The following CNTNAP2 variants were observed in gnomAD, a reference collection of about 807,000 sequenced individuals.
The protein encoded by CNTNAP2 is contactin-associated protein-like 2.
A neutral mutation model predicts 155.2 loss-of-function variants in CNTNAP2; 98 were observed. The ratio of observed to expected loss-of-function variants is 0.63; its 90% confidence interval spans 0.54 to 0.75. The LOEUF is 0.75. Ranked by LOEUF, CNTNAP2 falls within the 30% of genes least tolerant of loss-of-function variation. The probability of loss-of-function intolerance (pLI) is 0.00; values close to 1 mark genes in which losing one functional copy is unlikely to be tolerated. For synonymous variants in CNTNAP2, 651 were observed against 631.2 expected (o/e 1.03, Z -0.47); for missense variants, 1,727 against 1,688.1 (o/e 1.02, Z -0.40).
intron 8 of CNTNAP2, among the ~76,000 whole-genome samples, chr7:147,237,902 T>C (rs1803847081): frequency 6.6e-6 from 1 of 152,220 alleles, no homozygotes; most frequent in African/African-American, 2.4e-5. Context: ...ACTTTAAAAA[T>C]TAATAAAAAG....
At chr7:146,537,863 T>C (rs1325406715) in intron 1 of CNTNAP2, among the ~76,000 whole-genome samples, 1 of 151,922 alleles carries the variant, frequency 6.6e-6, no homozygotes, top group Admixed American at 6.6e-5. Flanking sequence ...AGAGCAGGCA[T>C]AGAGGTAGGT....
At chr7:147,235,910 C>T (rs1343087473) in intron 8 of CNTNAP2, among the ~76,000 whole-genome samples, 1 of 152,160 alleles carries the variant, frequency 6.6e-6, no homozygotes, top group Non-Finnish European at 1.5e-5. Flanking sequence ...ACTTAATTTG[C>T]TACTTTTAAA....
At chr7:146,867,077 G>T (rs889364586) in intron 3 of CNTNAP2, among the ~76,000 whole-genome samples, 1 of 151,966 alleles carries the variant, frequency 6.6e-6, no homozygotes, top group Admixed American at 6.6e-5. Context: ...AGGTAAACAC[G>T]TGTCACAGGG....
At chr7:146,479,226 T>G (rs1047694997) in intron 1 of CNTNAP2, among the ~76,000 whole-genome samples, 1 of 152,182 alleles carries the variant, frequency 6.6e-6, no homozygotes, top group Non-Finnish European at 1.5e-5. Flanking sequence ...ACACTTCCCT[T>G]TGAACGATGT....
At chr7:147,251,229 G>A (rs530809188) in intron 8 of CNTNAP2, among the ~76,000 whole-genome samples, 1 of 152,206 alleles carries the variant, frequency 6.6e-6, no homozygotes, top group South Asian at 2.1e-4. Context: ...TCTGTCCCTT[G>A]TGATAAGTAC....
At chr7:146,525,330 C>CACATTT (rs1434135372) in intron 1 of CNTNAP2, among the ~76,000 whole-genome samples, 1 of 152,040 alleles carries the variant, frequency 6.6e-6, no homozygotes, top group African/African-American at 2.4e-5. Flanking sequence ...TTCATGTTGT[C>CACATTT]ACATTTACAT....
intron 1 of CNTNAP2, among the ~76,000 whole-genome samples, chr7:146,226,923 G>C (rs2116906306): frequency 6.6e-6 from 1 of 152,054 alleles, no homozygotes; most frequent in Non-Finnish European, 1.5e-5. Flanking sequence ...ATTACTTTAA[G>C]AAATGTTACT....
chr7:146,874,209 G>A (rs1795373296), intron 3 of CNTNAP2, among the ~76,000 whole-genome samples: 1 of 152,074 alleles, frequency 6.6e-6, no homozygotes, highest in Non-Finnish European at 1.5e-5. Context: ...TGATGTTTAG[G>A]AAAAGTTTAT....
intron 9 of CNTNAP2, among the ~76,000 whole-genome samples, chr7:147,386,820 C>G (rs1258568475): frequency 6.6e-6 from 1 of 152,132 alleles, no homozygotes; most frequent in African/African-American, 2.4e-5. Context: ...TCTACTGGTA[C>G]CAGTTTACTG....
chr7:146,941,243 CTTTTT>C (rs1797049857), intron 3 of CNTNAP2, among the ~76,000 whole-genome samples: 1 of 151,778 alleles, frequency 6.6e-6, no homozygotes, highest in Admixed American at 6.6e-5. Context: ...TATTTTGTTG[CTTTTT>C]ATTTTTAGTG....
intron 14 of CNTNAP2, among the ~76,000 whole-genome samples, chr7:147,916,684 A>AC (rs1405954246): frequency 3.3e-5 from 5 of 152,070 alleles, no homozygotes; most frequent in Non-Finnish European, 7.4e-5. Context: ...TCTGAAAAAA[A>AC]AAAAAATGCA....
chr7:147,315,654 G>C (rs374020090), intron 9 of CNTNAP2, among the ~76,000 whole-genome samples: 4 of 151,656 alleles, frequency 2.6e-5, no homozygotes, highest in African/African-American at 9.7e-5. Context: ...CTAATTTTTT[G>C]TATTTTTAGT....
chr7:148,030,618 G>A (rs924674379), intron 15 of CNTNAP2, among the ~76,000 whole-genome samples: 23 of 149,106 alleles, frequency 1.5e-4, no homozygotes, highest in African/African-American at 5.7e-4. Context: ...TCCTTTGTTT[G>A]TAGAGTTACA....
Position 146,521,666 on chromosome 7 carries a change from C to T in CNTNAP2, c.98-252605C>T, listed in dbSNP as rs76792339. On this transcript the variant is annotated intron_variant, in intron 1 of 23. Transcript: ENST00000361727. ...CCCCAACTATCAGACCTTTTTGAAG[C>T]ATTATTCGCATTTACATTCAACAAA... Among the ~76,000 whole-genome samples, 6 of 152,008 alleles carry T rather than the reference C, an allele frequency of 3.9e-5. No homozygotes were observed. The East Asian group carries it at 1.2e-3, about 29-fold the overall frequency.
intron 3 of CNTNAP2, among the ~76,000 whole-genome samples, chr7:147,013,991 T>C (rs998681908): frequency 1.1e-3 from 171 of 152,308 alleles, no homozygotes; most frequent in Non-Finnish European, 1.6e-3. Flanking sequence ...AGCTAATTTG[T>C]CTATATTAGA....
intron 13 of CNTNAP2, among the ~76,000 whole-genome samples, chr7:147,805,410 C>CTTTA (rs1440360630): frequency 6.6e-6 from 1 of 152,158 alleles, no homozygotes; most frequent in African/African-American, 2.4e-5. Context: ...TTTGGATGAG[C>CTTTA]TTTATTTCTT....
chr7:146,722,430 C>G (rs1182798682), intron 1 of CNTNAP2, among the ~76,000 whole-genome samples: 1 of 152,072 alleles, frequency 6.6e-6, no homozygotes, highest in Non-Finnish European at 1.5e-5. Context: ...GCGATTATTG[C>G]TCCATTTAAT....
At chr7:147,398,405 G>GAA (rs35760248) in intron 10 of CNTNAP2, among the ~76,000 whole-genome samples, 226 of 146,394 alleles carry the variant, frequency 1.5e-3, no homozygotes, top group African/African-American at 3.7e-3. Flanking sequence ...TTGAGAGGGA[G>GAA]AAAAAAAAAA....
chr7:147,835,235 G>A (rs1482975909), intron 13 of CNTNAP2, among the ~76,000 whole-genome samples: 1 of 152,172 alleles, frequency 6.6e-6, no homozygotes, highest in Non-Finnish European at 1.5e-5. Context: ...AAAGAAGGAG[G>A]ACCAGAGGAC....
Sources: allele counts gnomAD v4.1 joint callset (sites outside exome capture counted in the v4.1 genomes callset), GRCh38; gene constraint gnomAD v4.1.1; transcripts MANE v1.5; gene names NCBI Gene and HGNC (gene_info 2026-07-23, HGNC 2026-07-21).